Variants in KITLG observed in about 807,000 individuals in gnomAD.
KITLG encodes c-Kit ligand.
In KITLG, 13 loss-of-function variants were observed where a neutral mutation model predicts 34.1. The ratio of observed to expected loss-of-function variants is 0.38; its 90% CI spans 0.25 to 0.61. The LOEUF is 0.61. Among genes scored for constraint, KITLG ranks in the 20% least tolerant of loss-of-function variants. The pLI, the probability that KITLG is intolerant of heterozygous loss-of-function variation, is 0.60. For synonymous variants in KITLG, 110 were observed against 104.0 expected (o/e 1.06, Z -0.35); for missense variants, 292 against 318.9 (o/e 0.92, Z 0.64).
At chr12:88,538,351 C>A (rs1295716521) in intron 2 of KITLG, among the ~76,000 whole-genome samples, 1 of 151,768 alleles carries the variant, frequency 6.6e-6, no homozygotes, top group Non-Finnish European at 1.5e-5. Context: ...AACTCCACAG[C>A]AAGTTGCTTC....
In KITLG at chr12:88,493,030, A is replaced by G. The variant is rs1027964943; in HGVS notation, c.*4189T>C. Reference sequence around the variant, plus strand: ...ATTTACATTATTATATGCAAACTCCAATCTATGACTGAACTGAGGGTATAT... The same window carrying G: ...ATTTACATTATTATATGCAAACTCCGATCTATGACTGAACTGAGGGTATAT... On this transcript the variant is annotated 3_prime_UTR_variant, in exon 10 of 10. Transcript: ENST00000644744. 2.0e-5 allele frequency: 3 copies of G among 152,334 alleles called. No homozygotes were observed. Among genetic ancestry groups the G allele is most frequent in the African/African-American group, 7.2e-5 (3 of 41,412 alleles). 9.4% of individuals were successfully genotyped at this position (152,334 alleles called of 1,614,324 possible). A position where few individuals can be genotyped will look rare whatever the true frequency, so the allele number is the denominator to read the frequency against.
intron 6 of KITLG, among the ~76,000 whole-genome samples, chr12:88,514,486 A>G (rs1024911018): frequency 6.6e-6 from 1 of 151,722 alleles, no homozygotes; most frequent in Non-Finnish European, 1.5e-5. Context: ...TACGTAATTT[A>G]GAATTTTAGG....
chr12:88,569,770 T>A (rs555799208), intron 1 of KITLG, among the ~76,000 whole-genome samples: 2 of 152,324 alleles, frequency 1.3e-5, no homozygotes, highest in South Asian at 4.1e-4. Flanking sequence ...CAGGACTTTT[T>A]AGCCAACATT....
chr12:88,505,706 A>G (rs1259255231), intron 8 of KITLG, among the ~76,000 whole-genome samples: 2 of 152,190 alleles, frequency 1.3e-5, no homozygotes, highest in African/African-American at 4.8e-5. Context: ...GAGAATAGTT[A>G]AGGGCTCTGA....
chr12:88,553,512 A>G (rs370838216), intron 1 of KITLG, among the ~76,000 whole-genome samples: 1 of 152,166 alleles, frequency 6.6e-6, no homozygotes, highest in East Asian at 1.9e-4. Flanking sequence ...TTATCATTGT[A>G]CAACTTTTCT....
At chr12:88,549,244 T>C (rs1004308133) in intron 1 of KITLG, among the ~76,000 whole-genome samples, 2 of 152,212 alleles carry the variant, frequency 1.3e-5, no homozygotes, top group Non-Finnish European at 2.9e-5. Flanking sequence ...CTTACTTGAA[T>C]AAAATAGGAT....
At chr12:88,502,712 C>T (rs1005838304) in intron 9 of KITLG, among the ~76,000 whole-genome samples, 3 of 152,142 alleles carry the variant, frequency 2.0e-5, no homozygotes, top group Non-Finnish European at 4.4e-5. Flanking sequence ...TGTCATGGGA[C>T]GAATGTCGTA....
chr12:88,544,105 T>A (rs1870620706), intron 2 of KITLG, among the ~76,000 whole-genome samples: 1 of 152,154 alleles, frequency 6.6e-6, no homozygotes, highest in African/African-American at 2.4e-5. Context: ...GACACTCATT[T>A]CAGCTCTGAA....
chr12:88,572,218 G>C (rs2120986431), intron 1 of KITLG, among the ~76,000 whole-genome samples: 1 of 152,184 alleles, frequency 6.6e-6, no homozygotes, highest in South Asian at 2.1e-4. Context: ...GGATTTAAAA[G>C]TCTCATTATT....
chr12:88,543,485 T>C (rs963036059), intron 2 of KITLG, among the ~76,000 whole-genome samples: 3 of 152,166 alleles, frequency 2.0e-5, no homozygotes, highest in Non-Finnish European at 4.4e-5. Flanking sequence ...TGTATATTTG[T>C]GAAATTTTCT....
intron 1 of KITLG, among the ~76,000 whole-genome samples, chr12:88,567,500 A>G (rs1471631273): frequency 6.6e-6 from 1 of 152,228 alleles, no homozygotes; most frequent in Non-Finnish European, 1.5e-5. Flanking sequence ...AGTAACTTGC[A>G]TCTGTCTTGA....
intron 3 of KITLG, among the ~76,000 whole-genome samples, chr12:88,523,180 T>G (rs1869738232): frequency 6.6e-6 from 1 of 152,222 alleles, no homozygotes; most frequent in African/African-American, 2.4e-5. Flanking sequence ...AGCATCTACC[T>G]CTGGGATGTG....
At chr12:88,537,581 T>C (rs1412010231) in intron 2 of KITLG, among the ~76,000 whole-genome samples, 1 of 151,762 alleles carries the variant, frequency 6.6e-6, no homozygotes, top group Non-Finnish European at 1.5e-5. Flanking sequence ...TCATACAATA[T>C]ACCCAAGTAA....
intron 9 of KITLG, among the ~76,000 whole-genome samples, chr12:88,500,790 T>C (rs976607068): frequency 6.6e-6 from 1 of 152,196 alleles, no homozygotes; most frequent in Admixed American, 6.5e-5. Context: ...TTTTTATTTT[T>C]ATATTTTGAG....
intron 1 of KITLG, among the ~76,000 whole-genome samples, chr12:88,569,292 T>C (rs1179254670): frequency 6.6e-6 from 1 of 152,178 alleles, no homozygotes; most frequent in African/African-American, 2.4e-5. Context: ...ATTCTAATTA[T>C]ACACATTTTT....
At chr12:88,500,296 T>A (rs761752664) in intron 9 of KITLG, among the ~76,000 whole-genome samples, 5 of 152,238 alleles carry the variant, frequency 3.3e-5, no homozygotes, top group Non-Finnish European at 7.3e-5. Context: ...TATTTGGGTG[T>A]GCTCAATTCT....
chr12:88,504,436 T>C (rs902781669), intron 9 of KITLG, among the ~76,000 whole-genome samples: 7 of 151,920 alleles, frequency 4.6e-5, no homozygotes, highest in African/African-American at 1.7e-4. Flanking sequence ...AACAACCCCA[T>C]CAAAAAGTGG....
chr12:88,565,861 C>T (rs1189404603), intron 1 of KITLG, among the ~76,000 whole-genome samples: 1 of 152,156 alleles, frequency 6.6e-6, no homozygotes, highest in African/African-American at 2.4e-5. Flanking sequence ...AAGTATGTAA[C>T]ACATTTAGCT....
At chr12:88,517,145 A>G (rs1869488948) in intron 4 of KITLG, among the ~76,000 whole-genome samples, 1 of 151,982 alleles carries the variant, frequency 6.6e-6, no homozygotes, top group Non-Finnish European at 1.5e-5. Context: ...AACTAGTGAT[A>G]TATTGAATTA....
Sources: gnomAD v4.1 joint callset for allele counts (sites outside exome capture counted in the v4.1 genomes callset) on GRCh38, gnomAD v4.1.1 for gene constraint, MANE v1.5 for transcripts, NCBI Gene and HGNC (gene_info 2026-07-23, HGNC 2026-07-21) for gene names.